GPC3: variants seen among roughly 807,000 people sequenced by gnomAD.
GPC3 encodes the protein glypican-3.
GPC3 carries 3 observed loss-of-function variants against 34.4 expected under a neutral mutation model. That is an observed-to-expected ratio of 0.09 (90% CI 0.04 to 0.23). GPC3 has a LOEUF of 0.23. Among genes scored for constraint, GPC3 ranks in the 10% least tolerant of loss-of-function variants. The pLI is 1.00. For missense variants in GPC3, 351 were observed against 445.6 expected (o/e 0.79, Z 1.91); for synonymous variants, 177 against 174.0 (o/e 1.02, Z -0.13).
chrX:133,869,951 T>C (rs1293748262), intron 2 of GPC3, among the ~76,000 whole-genome samples: 1 of 111,473 alleles, frequency 9.0e-6, no homozygotes, highest in Admixed American at 9.5e-5. Context: ...CGAGAGTCCG[T>C]CTCAAAAAAA....
intron 6 of GPC3, among the ~76,000 whole-genome samples, chrX:133,619,788 A>G (rs1199812369): frequency 3.6e-5 from 4 of 110,975 alleles, no homozygotes; most frequent in African/African-American, 1.3e-4. Flanking sequence ...GTACATTTTA[A>G]AAGGGTGAAT....
chrX:133,861,645 G>A (rs2075936711), intron 2 of GPC3, among the ~76,000 whole-genome samples: 3 of 111,203 alleles, frequency 2.7e-5, no homozygotes, highest in African/African-American at 9.8e-5. Flanking sequence ...GGAGGCCCTG[G>A]TGGGAGGCGT....
Position 133,756,309 on chromosome X carries a change from T to A in GPC3, c.338-2133A>T, listed in dbSNP as rs761939432. Among the ~76,000 whole-genome samples the A allele has an allele frequency of 2.7e-5, 3 of 112,259 alleles. No individual in the cohort carries two copies. In the East Asian group the frequency reaches 8.4e-4, roughly 31 times the overall value. ...CCAATACATATAGTCTCAAAAACCT[T>A]TGCAGAAAGTACAGTTCTATTTTAA... is the stretch of plus-strand genomic sequence containing the variant. On this transcript the variant is annotated intron_variant, in intron 2 of 7. Transcript: ENST00000370818.
intron 6 of GPC3, among the ~76,000 whole-genome samples, chrX:133,625,455 A>C (rs1315939281): frequency 8.9e-6 from 1 of 112,357 alleles, no homozygotes; most frequent in African/African-American, 3.2e-5. Context: ...GCTGATAAGC[A>C]ACTTCAGCGA....
chrX:133,649,564 C>T (rs765655190), intron 6 of GPC3, among the ~76,000 whole-genome samples: 2 of 111,121 alleles, frequency 1.8e-5, no homozygotes, highest in Non-Finnish European at 3.8e-5. Flanking sequence ...AAGAAATTGG[C>T]AATACGAAAA....
intron 7 of GPC3, among the ~76,000 whole-genome samples, chrX:133,571,488 G>C (rs2069631512): frequency 9.0e-6 from 1 of 111,287 alleles, no homozygotes; most frequent in South Asian, 3.8e-4. Context: ...TCAGCCTCCT[G>C]AGTAGCTGGG....
At chrX:133,798,163 A>G (rs1283179930) in intron 2 of GPC3, among the ~76,000 whole-genome samples, 1 of 111,708 alleles carries the variant, frequency 9.0e-6, no homozygotes, top group Non-Finnish European at 1.9e-5. Flanking sequence ...AAAATAAGAG[A>G]GCAAACCAGT....
chrX:133,832,215 C>T (rs2075778750), intron 2 of GPC3, among the ~76,000 whole-genome samples: 1 of 110,957 alleles, frequency 9.0e-6, no homozygotes, highest in Non-Finnish European at 1.9e-5. Flanking sequence ...GGGAGGCAGA[C>T]ATTGCAGTGA....
chrX:133,592,897 A>G (rs1471290203), intron 7 of GPC3, among the ~76,000 whole-genome samples: 2 of 112,111 alleles, frequency 1.8e-5, no homozygotes, highest in African/African-American at 6.5e-5. Flanking sequence ...CTTGCTCATA[A>G]GTAGAGCAAG....
intron 7 of GPC3, among the ~76,000 whole-genome samples, chrX:133,579,340 C>T (rs918933738): frequency 4.5e-5 from 5 of 112,014 alleles, no homozygotes. Context: ...ACACTAGGAA[C>T]TTCTATGGGC....
chrX:133,859,924 G>A (rs1360001641), intron 2 of GPC3, among the ~76,000 whole-genome samples: 1 of 111,739 alleles, frequency 8.9e-6, no homozygotes, highest in African/African-American at 3.3e-5. Context: ...AGTGGAAGGT[G>A]AAGGGGAGGA....
At chrX:133,655,822 T>C (rs1352231629) in intron 6 of GPC3, among the ~76,000 whole-genome samples, 2 of 112,022 alleles carry the variant, frequency 1.8e-5, no homozygotes, top group African/African-American at 6.5e-5. Flanking sequence ...AAACATTTTA[T>C]TAAAATCACA....
At position 133,837,209 on chromosome X, in the gene GPC3, C is replaced by T. The variant is rs114934967; in HGVS notation, c.338-83033G>A. Among the ~76,000 whole-genome samples, 1,111 of 111,198 alleles carry T rather than the reference C, an allele frequency of 1.0e-2. 24 individuals carry two copies. The highest frequency in any genetic ancestry group is 0.035 in the African/African-American group (1,059 of 30,561). On this transcript the variant is annotated intron_variant, in intron 2 of 7. Transcript: ENST00000370818. ...CCTCTTCACACCATCTTGTGGGTAC[C>T]GGGGCTCAGAGAAAATGCTGAGACT...
intron 3 of GPC3, among the ~76,000 whole-genome samples, chrX:133,713,709 C>A (rs1167543590): frequency 8.9e-6 from 1 of 111,953 alleles, no homozygotes; most frequent in African/African-American, 3.2e-5. Context: ...ACAAAGCAAG[C>A]CTGTTACTTC....
intron 7 of GPC3, among the ~76,000 whole-genome samples, chrX:133,544,734 G>A (rs2069368122): frequency 9.0e-6 from 1 of 111,614 alleles, no homozygotes. Context: ...GTCTTGCTCT[G>A]TTGCCCAGGC....
intron 3 of GPC3, among the ~76,000 whole-genome samples, chrX:133,751,443 C>T (rs1317967535): frequency 1.8e-5 from 2 of 112,216 alleles, no homozygotes; most frequent in African/African-American, 3.2e-5. Context: ...CTGAAGAACA[C>T]CGTAATTAGA....
At chrX:133,970,498 C>T (rs2124645479) in intron 1 of GPC3, among the ~76,000 whole-genome samples, 1 of 101,713 alleles carries the variant, frequency 9.8e-6, no homozygotes, top group East Asian at 3.1e-4. Context: ...ATACCTAAAA[C>T]TCTCTGGCTT....
intron 2 of GPC3, among the ~76,000 whole-genome samples, chrX:133,816,293 G>A (rs1242393361): frequency 9.0e-6 from 1 of 111,612 alleles, no homozygotes; most frequent in Non-Finnish European, 1.9e-5. Context: ...GGTCTCAAGG[G>A]ATCCTCCTGC....
intron 1 of GPC3, among the ~76,000 whole-genome samples, chrX:133,958,473 A>C (rs762663212): frequency 9.6e-6 from 1 of 104,378 alleles, no homozygotes; most frequent in Non-Finnish European, 2.0e-5. Flanking sequence ...TTGGGCTCAG[A>C]GGTCGAGGCT....
Sources: allele counts gnomAD v4.1 joint callset (sites outside exome capture counted in the v4.1 genomes callset), GRCh38; gene constraint gnomAD v4.1.1; transcripts MANE v1.5; gene names NCBI Gene and HGNC (gene_info 2026-07-23, HGNC 2026-07-21).